The following CNTN5 variants were observed in gnomAD, a reference collection of about 807,000 sequenced individuals.
The protein encoded by CNTN5 is contactin 5, also known as contactin-5.
In CNTN5, 77 loss-of-function variants were observed where a neutral mutation model predicts 129.1. That is an observed-to-expected ratio of 0.60 (90% CI 0.50 to 0.72). The LOEUF is 0.72. CNTN5 is among the 30% of genes least tolerant of loss of function. The pLI is 0.00. For missense variants in CNTN5, 1,478 were observed against 1,328.8 expected, an observed-to-expected ratio of 1.11 and a Z score of -1.75; for synonymous variants, 509 against 465.6, an observed-to-expected ratio of 1.09 and a Z score of -1.20.
intron 2 of CNTN5, among the ~76,000 whole-genome samples, chr11:99,521,293 G>A (rs913995776): frequency 1.3e-5 from 2 of 152,102 alleles, no homozygotes; most frequent in African/African-American, 4.8e-5. Flanking sequence ...AGTTGGGCTT[G>A]CCACTTAACT....
At position 99,042,365 on chromosome 11, in the gene CNTN5, C is replaced by T. The variant is rs868216066; in HGVS notation, c.-210+21095C>T. On this transcript the variant is annotated intron_variant, in intron 1 of 24. Coordinates refer to ENST00000524871, the MANE Select transcript of CNTN5 (RefSeq NM_014361.4). The stretch of plus-strand genomic sequence containing the variant: ...CACATGTACCTCCCTTCTTCTTCTT[C>T]TTTTTTTTTTTTTTTTTTTTTTTTT... 2.4e-3 allele frequency among the ~76,000 whole-genome samples: 197 copies of T among 83,674 alleles called. 1 individual carries two copies. The highest frequency in any genetic ancestry group is 7.7e-3 in the African/African-American group (153 of 19,826). The allele number at this position is 83,674 out of a possible 152,430, so 54.9% of individuals were successfully genotyped here. A position where few individuals can be genotyped will look rare whatever the true frequency, so the allele number is the denominator to read the frequency against.
chr11:99,488,977 G>T, intron 2 of CNTN5, among the ~76,000 whole-genome samples: 1 of 152,002 alleles, frequency 6.6e-6, no homozygotes, highest in East Asian at 1.9e-4. Flanking sequence ...AATGCTATGT[G>T]CTATCGCGTC....
chr11:99,246,080 T>C (rs1565434038), intron 1 of CNTN5, among the ~76,000 whole-genome samples: 1 of 152,198 alleles, frequency 6.6e-6, no homozygotes, highest in Non-Finnish European at 1.5e-5. Context: ...TAATTGTGTG[T>C]GATGTTTCAA....
At chr11:99,728,616 C>A (rs150953527) in intron 3 of CNTN5, among the ~76,000 whole-genome samples, 2 of 152,068 alleles carry the variant, frequency 1.3e-5, no homozygotes, top group Non-Finnish European at 2.9e-5. Flanking sequence ...ACAAAGTTGT[C>A]GGGATAGAAA....
At chr11:99,024,128 G>A (rs951731369) in intron 1 of CNTN5, among the ~76,000 whole-genome samples, 1 of 152,080 alleles carries the variant, frequency 6.6e-6, no homozygotes, top group Non-Finnish European at 1.5e-5. Context: ...AAAAAGTAAT[G>A]AAGTATATAA....
chr11:99,938,521 G>A (rs921966806), intron 7 of CNTN5, among the ~76,000 whole-genome samples: 26 of 152,046 alleles, frequency 1.7e-4, no homozygotes, highest in African/African-American at 6.3e-4. Flanking sequence ...ACAAGAAGCC[G>A]GTAATAGTTC....
chr11:100,251,996 G>T lies in CNTN5; in HGVS notation c.2006-3764G>T, dbSNP rs539634222. ...TAGTTTTTTGAGGATCCTCTGTACTGTTCTCCATAGTGGCTATACTAGTTT... is the reference window on the plus strand; with the variant it reads ...TAGTTTTTTGAGGATCCTCTGTACTTTTCTCCATAGTGGCTATACTAGTTT... On this transcript the variant is annotated intron_variant, in intron 16 of 24. Coordinates refer to ENST00000524871, the MANE Select transcript of CNTN5 (RefSeq NM_014361.4). 2.0e-5 allele frequency among the ~76,000 whole-genome samples: 3 copies of T among 152,212 alleles called. No homozygotes were observed. The East Asian group carries it at 5.8e-4, about 29-fold the overall frequency.
intron 2 of CNTN5, among the ~76,000 whole-genome samples, chr11:99,502,565 C>T (rs1195998445): frequency 1.3e-5 from 2 of 152,114 alleles, no homozygotes; most frequent in Admixed American, 1.3e-4. Context: ...TCTCCTTCAC[C>T]TTTTTCCATG....
chr11:99,611,289 G>A (rs1017087673), intron 3 of CNTN5, among the ~76,000 whole-genome samples: 1 of 152,098 alleles, frequency 6.6e-6, no homozygotes, highest in Non-Finnish European at 1.5e-5. Flanking sequence ...CAATAGTGTA[G>A]TCAGTAACAG....
rs188767635 is a variant in CNTN5, at chr11:99,481,464, A to G, written c.-70-74681A>G. 3.3e-5 allele frequency among the ~76,000 whole-genome samples: 5 copies of G among 152,234 alleles called. No homozygotes were observed. The East Asian group carries it at 9.7e-4, about 29-fold the overall frequency. On this transcript the variant is annotated intron_variant, in intron 2 of 24. Transcript: ENST00000524871. Reference sequence around the variant, plus strand: ...CCTTATTCACTGTTGTATCCCTAGCATCCTGCACTGGTGATCAGTAAAATA... The same window carrying G: ...CCTTATTCACTGTTGTATCCCTAGCGTCCTGCACTGGTGATCAGTAAAATA...
In CNTN5 at chr11:100,299,363, A is replaced by T. The variant is rs768384386; in HGVS notation, c.2587A>T (p.Ser863Cys). Reference sequence around the variant, plus strand: ...TAACAATAAAGGAGATGGGCCTTTTAGTCAAATTGTGGTCATCTGTTCAGC... The same window carrying T: ...TAACAATAAAGGAGATGGGCCTTTTTGTCAAATTGTGGTCATCTGTTCAGC... The part of the protein sequence containing the change: ...VYNNKGDGPF[S>C]QIVVICSAEG... Residue 863 changes from serine (S) to cysteine (C), a missense_variant, in exon 20 of 25, where the codon AGT becomes TGT. Ser to Cys is a moderately radical substitution (Grantham distance 112). Transcript: ENST00000524871. 1 of 1,609,168 alleles carries T rather than the reference A, an allele frequency of 6.2e-7. No individual in the cohort carries two copies. Among genetic ancestry groups the T allele is most frequent in the Non-Finnish European group, 8.5e-7 (1 of 1,176,850 alleles).
chr11:99,351,893 C>A (rs1163446400), intron 2 of CNTN5, among the ~76,000 whole-genome samples: 1 of 152,136 alleles, frequency 6.6e-6, no homozygotes, highest in African/African-American at 2.4e-5. Flanking sequence ...AGTTAAATAC[C>A]CACTGTGGCT....
At chr11:99,041,082 C>G (rs1346687232) in intron 1 of CNTN5, among the ~76,000 whole-genome samples, 2 of 152,236 alleles carry the variant, frequency 1.3e-5, no homozygotes, top group East Asian at 3.9e-4. Flanking sequence ...AATGAGAACA[C>G]AAAACTGAGC....
At chr11:99,462,942 AAAAC>A (rs915913735) in intron 2 of CNTN5, among the ~76,000 whole-genome samples, 14 of 151,348 alleles carry the variant, frequency 9.3e-5, no homozygotes, top group Non-Finnish European at 2.1e-4. Context: ...AAAACAAAAC[AAAAC>A]AAACAAAAAA....
chr11:99,856,770 C>T (rs1643613353), intron 6 of CNTN5, among the ~76,000 whole-genome samples: 1 of 152,146 alleles, frequency 6.6e-6, no homozygotes, highest in African/African-American at 2.4e-5. Context: ...CAATAAAGTT[C>T]ACACTCCTAC....
At chr11:99,592,510 T>C (rs1336808676) in intron 3 of CNTN5, among the ~76,000 whole-genome samples, 3 of 152,082 alleles carry the variant, frequency 2.0e-5, no homozygotes, top group Admixed American at 6.6e-5. Flanking sequence ...GCCATTTGAG[T>C]ATGATAACAT....
At chr11:99,684,975 A>G (rs1281432865) in intron 3 of CNTN5, among the ~76,000 whole-genome samples, 1 of 150,620 alleles carries the variant, frequency 6.6e-6, no homozygotes, top group Non-Finnish European at 1.5e-5. Flanking sequence ...TTTATTTTTT[A>G]GTTTATTATT....
intron 2 of CNTN5, among the ~76,000 whole-genome samples, chr11:99,479,556 C>T (rs1187750809): frequency 2.6e-5 from 4 of 151,876 alleles, no homozygotes; most frequent in Non-Finnish European, 5.9e-5. Context: ...TATAAATAAG[C>T]AATGATCATA....
chr11:99,651,856 A>T (rs1320490642), intron 3 of CNTN5, among the ~76,000 whole-genome samples: 1 of 151,908 alleles, frequency 6.6e-6, no homozygotes, highest in Non-Finnish European at 1.5e-5. Context: ...ACAATAACTG[A>T]ATAAGAATTA....
Sources: allele counts gnomAD v4.1 joint callset (sites outside exome capture counted in the v4.1 genomes callset), GRCh38; gene constraint gnomAD v4.1.1; transcripts MANE v1.5; gene names NCBI Gene and HGNC (gene_info 2026-07-23, HGNC 2026-07-21).